Variants in PCDHGA5 observed in about 807,000 individuals in gnomAD.
The protein encoded by PCDHGA5 is protocadherin gamma-A5.
A neutral mutation model predicts 56.7 loss-of-function variants in PCDHGA5; 36 were observed. That is an observed-to-expected ratio of 0.64 (90% CI 0.49 to 0.84). The LOEUF (loss-of-function observed/expected upper bound fraction) is 0.84. Among genes scored for constraint, PCDHGA5 ranks in the 40% least tolerant of loss-of-function variants. PCDHGA5 has a pLI of 0.00. For missense variants in PCDHGA5, 1,305 were observed against 1,201.5 expected (o/e 1.09, Z -1.27); for synonymous variants, 563 against 520.2 (o/e 1.08, Z -1.12).
Position 141,478,407 on chromosome 5 carries a change from C to T in PCDHGA5, c.2422-16400C>T. On this transcript the variant is annotated intron_variant, in intron 1 of 3. Coordinates refer to ENST00000518069, the MANE Select transcript of PCDHGA5 (RefSeq NM_018918.3). The stretch of plus-strand genomic sequence containing the variant: ...CTTTACCATCAGGTGTATCTCACCA[C>T]GGACTCCCGCCGCAGCGACCCGCTG... 1.9e-6 allele frequency: 3 copies of T among 1,613,272 alleles called. No individual in the cohort carries two copies. The highest frequency in any genetic ancestry group is 1.3e-5 in the African/African-American group (1 of 75,072).
intron 1 of PCDHGA5, chr5:141,377,300 T>A (rs929187277): frequency 3.3e-5 from 5 of 152,140 alleles, no homozygotes; most frequent in Admixed American, 2.6e-4. Flanking sequence ...TTTAGGTCAG[T>A]GTTAAAGATC....
At chr5:141,370,833 C>T (rs1305609320) in intron 1 of PCDHGA5, 4 of 1,613,946 alleles carry the variant, frequency 2.5e-6, no homozygotes, top group Non-Finnish European at 8.5e-7. Context: ...CGAACTGGCT[C>T]TCACTGGAGC....
intron 1 of PCDHGA5, chr5:141,390,389 G>C: frequency 7.1e-7 from 1 of 1,405,538 alleles, no homozygotes; most frequent in Non-Finnish European, 9.7e-7. Context: ...AGATGTCATG[G>C]ATCATTTTAG....
At chr5:141,445,508 T>C (rs2098468947) in intron 1 of PCDHGA5, among the ~76,000 whole-genome samples, 1 of 152,200 alleles carries the variant, frequency 6.6e-6, no homozygotes, top group Non-Finnish European at 1.5e-5. Context: ...TAATACATGA[T>C]ATTTTACAGG....
At chr5:141,447,197 T>C (rs1249080495) in intron 1 of PCDHGA5, among the ~76,000 whole-genome samples, 7 of 152,188 alleles carry the variant, frequency 4.6e-5, no homozygotes, top group Admixed American at 4.6e-4. Context: ...TGGAGTGCAA[T>C]GGCTTGATCT....
At chr5:141,459,302 A>T (rs1401348885) in intron 1 of PCDHGA5, among the ~76,000 whole-genome samples, 1 of 152,210 alleles carries the variant, frequency 6.6e-6, no homozygotes, top group African/African-American at 2.4e-5. Flanking sequence ...CCTATAACAT[A>T]TACTATTTTG....
Position 141,364,280 on chromosome 5 carries a change from G to A in PCDHGA5, c.-51G>A. 6.6e-7 allele frequency: 1 copy of A among 1,516,138 alleles called. No individual in the cohort carries two copies. The highest frequency in any genetic ancestry group is 1.4e-5 in the African/African-American group (1 of 71,758). The allele number at this position is 1,516,138 out of a possible 1,614,324, so 93.9% of individuals were successfully genotyped here. ...TACCCATCGGCTTTAGATAAATAAG[G>A]AAACAGCAGGCTGAACCAGAACTAA... is the stretch of plus-strand genomic sequence containing the variant. On this transcript the variant is annotated 5_prime_UTR_variant, in exon 1 of 4. Transcript: ENST00000518069.
At chr5:141,376,216 G>A (rs1036569498) in intron 1 of PCDHGA5, 23 of 1,614,106 alleles carry the variant, frequency 1.4e-5, no homozygotes, top group Non-Finnish European at 1.9e-5. Flanking sequence ...TCATCGTGCT[G>A]CTGGCGCTCA....
At chr5:141,447,576 A>G (rs758449068) in intron 1 of PCDHGA5, among the ~76,000 whole-genome samples, 6 of 152,214 alleles carry the variant, frequency 3.9e-5, no homozygotes, top group African/African-American at 7.2e-5. Context: ...CTATGTCCAC[A>G]CATACCTTAA....
At position 141,422,164 on chromosome 5, in the gene PCDHGA5, T is replaced by C. The variant is rs2096630287; in HGVS notation, c.2421+55413T>C. 2 of 1,568,668 alleles carry C rather than the reference T, an allele frequency of 1.3e-6. No homozygotes were observed. Among genetic ancestry groups the C allele is most frequent in the Non-Finnish European group, 1.7e-6 (2 of 1,162,894 alleles). On this transcript the variant is annotated intron_variant, in intron 1 of 3. Coordinates refer to ENST00000518069, the MANE Select transcript of PCDHGA5 (RefSeq NM_018918.3). ...ACGGGGGTCTCTGGATTTTGAAAAA[T>C]ATAGATTCTATGAGATGGAAATTCA... is the stretch of plus-strand genomic sequence containing the variant.
chr5:141,390,534 A>C (rs2092170785), intron 1 of PCDHGA5: 1 of 525,162 alleles, frequency 1.9e-6, no homozygotes, highest in Non-Finnish European at 3.3e-6. Context: ...TGTGGTTTTA[A>C]CCACAAAGTG....
chr5:141,410,142 G>A (rs2095361095), intron 1 of PCDHGA5: 3 of 1,612,612 alleles, frequency 1.9e-6, no homozygotes, highest in East Asian at 2.2e-5. Context: ...GTCGCTGTGC[G>A]TGACGGTGGA....
intron 1 of PCDHGA5, among the ~76,000 whole-genome samples, chr5:141,436,181 T>A (rs1050736907): frequency 1.3e-5 from 2 of 152,092 alleles, no homozygotes; most frequent in African/African-American, 4.8e-5. Context: ...TCATATATAG[T>A]CAAATAGAAA....
rs1485764871 is a variant in PCDHGA5, at chr5:141,486,709, C to A, written c.2422-8098C>A. On this transcript the variant is annotated intron_variant, in intron 1 of 3. Coordinates refer to ENST00000518069, the MANE Select transcript of PCDHGA5 (RefSeq NM_018918.3). The surrounding 1 kb of genome is among the most constrained non-coding windows in gnomAD (Gnocchi z 5.0). ...CTTCCTCTTTCATCTCTCTGAACCC[C>A]CAGACAGGAGCTGTTCATGCTACTC... 6.2e-7 allele frequency: 1 copy of A among 1,614,182 alleles called. No homozygotes were observed. Among genetic ancestry groups the A allele is most frequent in the Admixed American group, 1.7e-5 (1 of 60,022 alleles).
chr5:141,454,407 T>TTTTA (rs1029547484), intron 1 of PCDHGA5, among the ~76,000 whole-genome samples: 21 of 152,236 alleles, frequency 1.4e-4, no homozygotes, highest in Admixed American at 1.2e-3. Flanking sequence ...GCTTATTCCT[T>TTTTA]TTTATTTATT....
At chr5:141,457,631 G>C (rs540600166) in intron 1 of PCDHGA5, among the ~76,000 whole-genome samples, 1 of 152,282 alleles carries the variant, frequency 6.6e-6, no homozygotes, top group African/African-American at 2.4e-5. Flanking sequence ...TCTTATACTT[G>C]GCCTGATTAT....
chr5:141,431,724 T>G lies in PCDHGA5; in HGVS notation c.2422-63083T>G, dbSNP rs758754345. On this transcript the variant is annotated intron_variant, in intron 1 of 3. Transcript: ENST00000518069. The surrounding 1 kb of genome is among the most constrained non-coding windows in gnomAD (Gnocchi z 4.8). ...TTCTACCAGATGGAAGTGCAAGCAA[T>G]GGATAATGCAGGATATTCTGCGCGA... 1 of 1,614,036 alleles carries G rather than the reference T, an allele frequency of 6.2e-7. No individual in the cohort carries two copies. Among genetic ancestry groups the G allele is most frequent in the Non-Finnish European group, 8.5e-7 (1 of 1,180,036 alleles).
At chr5:141,373,821 G>C (rs1268202879) in intron 1 of PCDHGA5, 1 of 364,140 alleles carries the variant, frequency 2.7e-6, no homozygotes, top group African/African-American at 2.1e-5. Flanking sequence ...TTCACAAAAC[G>C]ATGCAGTATT....
At chr5:141,425,457 T>G (rs936918643) in intron 1 of PCDHGA5, among the ~76,000 whole-genome samples, 6 of 152,318 alleles carry the variant, frequency 3.9e-5, no homozygotes, top group Admixed American at 6.5e-5. Flanking sequence ...ACCATCACAT[T>G]TCATGTTATT....
Sources: gnomAD v4.1 joint callset for allele counts (sites outside exome capture counted in the v4.1 genomes callset) on GRCh38, gnomAD v4.1.1 for gene constraint, Gnocchi (gnomAD v3.1) non-coding constraint, MANE v1.5 for transcripts, NCBI Gene and HGNC (gene_info 2026-07-23, HGNC 2026-07-21) for gene names.